Variants in ASB1 observed in about 807,000 individuals in gnomAD.
ASB1 encodes ankyrin repeat and SOCS box containing 1, also known as ankyrin repeat and SOCS box protein 1.
A neutral mutation model predicts 27.7 loss-of-function variants in ASB1; 18 were observed. The observed-to-expected ratio is 0.65, with a 90% CI of 0.45 to 0.96. The LOEUF (loss-of-function observed/expected upper bound fraction) is 0.96, where lower values mean the gene tolerates loss of function less well. ASB1 is among the 50% of genes least tolerant of loss of function. The probability of loss-of-function intolerance (pLI) is 0.00; values close to 1 mark genes in which losing one functional copy is unlikely to be tolerated. For synonymous variants in ASB1, 189 were observed against 187.6 expected, an observed-to-expected ratio of 1.01 and a Z score of -0.06; for missense variants, 397 against 451.7, an observed-to-expected ratio of 0.88 and a Z score of 1.10.
chr2:238,441,137 AT>A (rs35579640), intron 3 of ASB1, among the ~76,000 whole-genome samples: 10,291 of 141,778 alleles, frequency 0.073, 519 homozygotes, highest in African/African-American at 0.16. Flanking sequence ...TTTGCTTTCA[AT>A]TTTTTTTTTT....
chr2:238,431,772 G>T lies in ASB1; in HGVS notation c.50-1782G>T, dbSNP rs192766006. On this transcript the variant is annotated intron_variant, in intron 1 of 4. Transcript: ENST00000264607. ...AGAGAGTGGGAGCAGCTGGTTGGTGGAGCAGTCAGAACACAGACCACGTTG... is the reference window on the plus strand; with the variant it reads ...AGAGAGTGGGAGCAGCTGGTTGGTGTAGCAGTCAGAACACAGACCACGTTG... 3.7e-4 allele frequency among the ~76,000 whole-genome samples: 57 copies of T among 152,310 alleles called. No homozygotes were observed. The East Asian group carries it at 8.3e-3, about 22-fold the overall frequency.
intron 3 of ASB1, among the ~76,000 whole-genome samples, chr2:238,440,597 T>A (rs928290865): frequency 2.0e-5 from 3 of 152,176 alleles, no homozygotes; most frequent in African/African-American, 7.2e-5. Flanking sequence ...CAGGTGGCCT[T>A]CTCACCTTGT....
intron 1 of ASB1, among the ~76,000 whole-genome samples, chr2:238,432,557 C>A (rs1390031394): frequency 1.3e-5 from 2 of 152,120 alleles, no homozygotes; most frequent in Non-Finnish European, 2.9e-5. Flanking sequence ...GGGAGGGAGT[C>A]ACCCGTGTAG....
At chr2:238,433,470 A>C in intron 1 of ASB1, 84 bp from the exon 2 acceptor site, 9 of 1,522,338 alleles carry the variant, frequency 5.9e-6, no homozygotes, top group Non-Finnish European at 8.0e-6. Context: ...TGGGAGAGGG[A>C]AGGCTCGCTG....
In ASB1 at chr2:238,450,211, A is replaced by G. The variant is rs514795; in HGVS notation, c.*3700A>G. 1 of 152,164 alleles carries G rather than the reference A, an allele frequency of 6.6e-6. No individual in the cohort carries two copies. The highest frequency in any genetic ancestry group is 1.5e-5 in the Non-Finnish European group (1 of 68,030). The allele number at this position is 152,164 out of a possible 1,614,324, so 9.4% of individuals were successfully genotyped here. On this transcript the variant is annotated 3_prime_UTR_variant, in exon 5 of 5. Transcript: ENST00000264607. ...TGGACTGTGGACCCCGATGGGCCAGAGTCCTTGTGGCCCACAGCATAGCAC... is the reference window on the plus strand; with the variant it reads ...TGGACTGTGGACCCCGATGGGCCAGGGTCCTTGTGGCCCACAGCATAGCAC...
chr2:238,429,991 G>A (rs11885695), intron 1 of ASB1, among the ~76,000 whole-genome samples: 45,427 of 151,130 alleles, frequency 0.3, 8,866 homozygotes, highest in African/African-American at 0.55. Flanking sequence ...AAATGTACAC[G>A]TTTTAATTTA....
chr2:238,432,378 T>G (rs1023381574), intron 1 of ASB1, among the ~76,000 whole-genome samples: 1 of 152,256 alleles, frequency 6.6e-6, no homozygotes, highest in East Asian at 1.9e-4. Flanking sequence ...TCTGTTCTTT[T>G]GTGTTGTTTT....
rs891298498 is a variant in ASB1, at chr2:238,449,326, G to C, written c.*2815G>C. 2.6e-5 allele frequency: 4 copies of C among 152,324 alleles called. No individual in the cohort carries two copies. Among genetic ancestry groups the C allele is most frequent in the African/African-American group, 9.7e-5 (4 of 41,446 alleles). 9.4% of individuals were successfully genotyped at this position (152,324 alleles called of 1,614,324 possible). A position where few individuals can be genotyped will look rare whatever the true frequency, so the allele number is the denominator to read the frequency against. On this transcript the variant is annotated 3_prime_UTR_variant, in exon 5 of 5. Coordinates refer to ENST00000264607, the MANE Select transcript of ASB1 (RefSeq NM_001040445.3). ...CCCAAGTCCCATGGGACAGGGAAAC[G>C]TGGTCCTCAGTGAGGCTGCTGCCTG...
chr2:238,434,640 A>G (rs533347326), intron 2 of ASB1, among the ~76,000 whole-genome samples: 27 of 152,360 alleles, frequency 1.8e-4, no homozygotes, highest in African/African-American at 6.3e-4. Flanking sequence ...AAAGAAAAAT[A>G]CCAGAAAGGA....
chr2:238,427,130 C>G lies in ASB1; in HGVS notation c.49+11C>G, dbSNP rs1701772018. ...GGCCGGGCTCCGCAGGTAACGTGCG[C>G]GCGGCCACTGGGCCGCGGGGCGTGT... On this transcript the variant is annotated intron_variant, in intron 1 of 4. Transcript: ENST00000264607. 1 of 1,244,868 alleles carries G rather than the reference C, an allele frequency of 8.0e-7. No homozygotes were observed. Among genetic ancestry groups the G allele is most frequent in the Non-Finnish European group, 1.0e-6 (1 of 994,084 alleles). 77.1% of individuals were successfully genotyped at this position (1,244,868 alleles called of 1,614,324 possible). A position where few individuals can be genotyped will look rare whatever the true frequency, so the allele number is the denominator to read the frequency against.
intron 2 of ASB1, 141 bp from the exon 3 acceptor site, chr2:238,435,570 G>A (rs1030937310): frequency 5.9e-6 from 5 of 843,122 alleles, no homozygotes; most frequent in African/African-American, 5.1e-5. Context: ...AGGTGTGAGA[G>A]CATTTCAGAA....
intron 2 of ASB1, 47 bp downstream of exon 2, chr2:238,433,742 G>T: frequency 6.2e-7 from 1 of 1,606,032 alleles, no homozygotes; most frequent in Non-Finnish European, 8.5e-7. Flanking sequence ...GGCCCTGAAG[G>T]TCTGTGTGAA....
Position 238,431,313 on chromosome 2 carries a change from T to C in ASB1, c.50-2241T>C, listed in dbSNP as rs565453071. 5.3e-5 allele frequency among the ~76,000 whole-genome samples: 8 copies of C among 152,370 alleles called. No individual in the cohort carries two copies. The East Asian group carries it at 1.5e-3, about 29-fold the overall frequency. ...AACCTCTGCTACCTTCACTCTTTGCTTCTGCACCTTCCTCAGCTCTCTCAG... is the reference window on the plus strand; with the variant it reads ...AACCTCTGCTACCTTCACTCTTTGCCTCTGCACCTTCCTCAGCTCTCTCAG... On this transcript the variant is annotated intron_variant, in intron 1 of 4. Coordinates refer to ENST00000264607, the MANE Select transcript of ASB1 (RefSeq NM_001040445.3).
At chr2:238,436,970 A>C (rs762473184) in intron 3 of ASB1, among the ~76,000 whole-genome samples, 2 of 152,186 alleles carry the variant, frequency 1.3e-5, no homozygotes, top group Non-Finnish European at 2.9e-5. Flanking sequence ...GAGTACTATT[A>C]GTTTTATTTA....
At chr2:238,444,217 C>T in intron 3 of ASB1, 125 bp from the exon 4 acceptor site, 1 of 1,024,264 alleles carries the variant, frequency 9.8e-7, no homozygotes, top group Non-Finnish European at 1.4e-6. Context: ...GAGTCTCCTA[C>T]AGCGCCTGGT....
Position 238,435,882 on chromosome 2 carries a change from C to T in ASB1, c.363C>T (p.Asn121=), listed in dbSNP as rs200070908. The change falls in exon 3 of 5, where the codon AAC becomes AAT. Residue 121 remains asparagine (N), a synonymous_variant. Coordinates refer to ENST00000264607, the MANE Select transcript of ASB1 (RefSeq NM_001040445.3). ...GQTALYVAVV[N]GHLESTQILL... is the part of the protein sequence containing the mutation. The stretch of plus-strand genomic sequence containing the variant: ...CGGCCCTGTATGTGGCTGTGGTGAA[C>T]GGGCACCTAGAGAGTACCCAGATCC... 39 of 1,614,238 alleles carry T rather than the reference C, an allele frequency of 2.4e-5. No individual in the cohort carries two copies. The highest frequency in any genetic ancestry group is 1.6e-4 in the Middle Eastern group (1 of 6,062).
intron 3 of ASB1, among the ~76,000 whole-genome samples, chr2:238,441,643 G>C (rs1162972309): frequency 6.6e-6 from 1 of 152,198 alleles, no homozygotes; most frequent in African/African-American, 2.4e-5. Context: ...CCGGAGCAGT[G>C]TACAGCGACC....
chr2:238,446,736 C>G lies in ASB1; in HGVS notation c.*225C>G. The stretch of plus-strand genomic sequence containing the variant: ...AAGTTATTATTGTTTTTCCCAAGTT[C>G]TCTGTTCTGGATTTTCAGTTGCATA... On this transcript the variant is annotated 3_prime_UTR_variant, in exon 5 of 5. Coordinates refer to ENST00000264607, the MANE Select transcript of ASB1 (RefSeq NM_001040445.3). 1 of 533,584 alleles carries G rather than the reference C, an allele frequency of 1.9e-6. No homozygotes were observed. Among genetic ancestry groups the G allele is most frequent in the Non-Finnish European group, 3.3e-6 (1 of 301,632 alleles). The allele number at this position is 533,584 out of a possible 1,614,324, so 33.1% of individuals were successfully genotyped here. A position where few individuals can be genotyped will look rare whatever the true frequency, so the allele number is the denominator to read the frequency against.
rs761164207 is a variant in ASB1, at chr2:238,433,545, T to G, written c.50-9T>G. 6.2e-7 allele frequency: 1 copy of G among 1,613,970 alleles called. No individual in the cohort carries two copies. On this transcript the variant is annotated splice_polypyrimidine_tract_variant and intron_variant, in intron 1 of 4. Transcript: ENST00000264607. ...CATGAGCTAACAGGAGCCCCTCTCT[T>G]CAGTGCAGGTCGTAATCTGAAGGAG...
Sources: allele counts gnomAD v4.1 joint callset (sites outside exome capture counted in the v4.1 genomes callset), GRCh38; gene constraint gnomAD v4.1.1; transcripts MANE v1.5; gene names NCBI Gene and HGNC (gene_info 2026-07-23, HGNC 2026-07-21).